MYO19: variants seen among roughly 807,000 people sequenced by gnomAD.
MYO19 encodes unconventional myosin-XIX.
Under a neutral mutation model 129.2 loss-of-function variants are expected in MYO19, and 132 were observed. The observed-to-expected ratio is 1.02, with a 90% CI of 0.89 to 1.18. MYO19 has a LOEUF of 1.18. MYO19 is among the 50% of genes most tolerant of loss of function. The pLI, the probability that MYO19 is intolerant of heterozygous loss-of-function variation, is 0.00. For synonymous variants in MYO19, 531 were observed against 477.2 expected (o/e 1.11, Z -1.47); for missense variants, 1,210 against 1,216.7 (o/e 0.99, Z 0.08).
chr17:36,530,266 G>A (rs1172538668), intron 3 of MYO19, among the ~76,000 whole-genome samples: 2 of 152,074 alleles, frequency 1.3e-5, no homozygotes, highest in South Asian at 4.1e-4. Context: ...GAGCTATGGG[G>A]ATATCACTGC....
intron 19 of MYO19, chr17:36,504,280 G>A (rs2071731476): frequency 4.3e-6 from 2 of 466,650 alleles, no homozygotes. Flanking sequence ...AGCAAGTGAT[G>A]TCCTGGCTCC....
At position 36,507,151 on chromosome 17, in the gene MYO19, G is replaced by C. The variant is rs529132719; in HGVS notation, c.1468-12C>G. The C allele has an allele frequency of 2.6e-4, 421 of 1,594,554 alleles. 2 individuals are homozygous for C. In the East Asian group the frequency reaches 8.6e-3, roughly 32 times the overall value. ...TTGAGGCGGCATTCCTGTGGGATGGGAACAGGGGGTCAGCCACCAACATGA... is the reference window on the plus strand; with the variant it reads ...TTGAGGCGGCATTCCTGTGGGATGGCAACAGGGGGTCAGCCACCAACATGA... On this transcript the variant is annotated splice_polypyrimidine_tract_variant and intron_variant, in intron 16 of 25. Transcript: ENST00000614623.
upstream of MYO19, chr17:36,536,992 C>T: frequency 2.0e-6 from 2 of 1,017,076 alleles, no homozygotes; most frequent in East Asian, 2.5e-5. Context: ...GCCCAAAGTT[C>T]TGCTCTGAAA....
upstream of MYO19, chr17:36,534,871 G>A (rs1377313303): frequency 2.0e-5 from 3 of 152,318 alleles, no homozygotes; most frequent in Non-Finnish European, 4.4e-5. Context: ...GAAAAGAGGA[G>A]GGGCAAGAGC....
chr17:36,543,658 C>G (rs147251815), upstream of MYO19, among the ~76,000 whole-genome samples: 2 of 152,214 alleles, frequency 1.3e-5, no homozygotes, highest in East Asian at 3.9e-4. Flanking sequence ...GAGTTTCGCT[C>G]TTGTTGCCCA....
intron 11 of MYO19, among the ~76,000 whole-genome samples, chr17:36,512,077 A>G (rs1339894959): frequency 6.6e-6 from 1 of 152,122 alleles, no homozygotes; most frequent in Non-Finnish European, 1.5e-5. Context: ...CCAGCTAGGC[A>G]TGGTGGCACA....
chr17:36,513,025 AG>A (rs2072472495), intron 11 of MYO19: 2 of 1,024,518 alleles, frequency 2.0e-6, no homozygotes, highest in African/African-American at 3.3e-5. Context: ...TGGTTTTCTC[AG>A]GCATAAAGGG....
chr17:36,503,273 G>A, intron 20 of MYO19, 73 bp from the exon 21 acceptor site: 1 of 1,212,128 alleles, frequency 8.2e-7, no homozygotes. Flanking sequence ...GGGCTCATCA[G>A]AAGTTATTCT....
Position 36,517,529 on chromosome 17 carries a change from G to A in MYO19, c.415-1539C>T, listed in dbSNP as rs141857866. On this transcript the variant is annotated intron_variant, in intron 6 of 25. Coordinates refer to ENST00000614623, the MANE Select transcript of MYO19 (RefSeq NM_001163735.2). ...CCCACCTTGGCCTCCCAAAGTGCTG[G>A]ATTACAGGCGTGAGCCACTGCACCC... 5.1e-3 allele frequency among the ~76,000 whole-genome samples: 778 copies of A among 152,248 alleles called. 11 individuals carry two copies. Among genetic ancestry groups the A allele is most frequent in the African/African-American group, 0.018 (744 of 41,556 alleles).
In MYO19 at chr17:36,504,010, T is replaced by C. The variant is rs1464518680; in HGVS notation, c.1916A>G (p.Gln639Arg). The change falls in exon 20 of 26, where the codon CAG becomes CGG. Residue 639 changes from glutamine (Q) to arginine (R), a missense_variant. By Grantham distance (43) the Gln-to-Arg change is conservative (BLOSUM62 1). Coordinates refer to ENST00000614623, the MANE Select transcript of MYO19 (RefSeq NM_001163735.2). ...CTCCACGAGGCCACAGGCCTCCAGCTGGCTCAGGACCTGCAAGGGTGGGGA... is the reference window on the plus strand; with the variant it reads ...CTCCACGAGGCCACAGGCCTCCAGCCGGCTCAGGACCTGCAAGGGTGGGGA... ...QTFLQEEVLS[Q>R]LEACGLVETI... 3.2e-6 allele frequency: 5 copies of C among 1,575,414 alleles called. No individual in the cohort carries two copies. Among genetic ancestry groups the C allele is most frequent in the East Asian group, 2.3e-5 (1 of 43,036 alleles).
At position 36,509,036 on chromosome 17, in the gene MYO19, C is replaced by A. The variant is rs138150577; in HGVS notation, c.1231+26G>T. On this transcript the variant is annotated intron_variant, in intron 14 of 25. Coordinates refer to ENST00000614623, the MANE Select transcript of MYO19 (RefSeq NM_001163735.2). ...GCTTTATTGCTCTTTTTCTGGAGTG[C>A]TCCCAGCACAGTGAGGCCTTGCTAC... is the stretch of plus-strand genomic sequence containing the variant. The A allele has an allele frequency of 3.3e-3, 5,327 of 1,606,222 alleles. 14 individuals carry two copies. Among genetic ancestry groups the A allele is most frequent in the Non-Finnish European group, 4.1e-3 (4,842 of 1,174,040 alleles).
chr17:36,503,835 CCT>C (rs1419969957), intron 20 of MYO19, 113 bp downstream of exon 20: 2 of 846,316 alleles, frequency 2.4e-6, no homozygotes, highest in African/African-American at 3.5e-5. Flanking sequence ...TACAGACCAG[CCT>C]CTTTCTCTTC....
chr17:36,528,780 AGTCAGT>A (rs2073651441), intron 3 of MYO19, among the ~76,000 whole-genome samples: 2 of 152,242 alleles, frequency 1.3e-5, no homozygotes, highest in Admixed American at 1.3e-4. Flanking sequence ...CAAAGCATTT[AGTCAGT>A]GCCCGGCATA....
At chr17:36,538,507 T>C (rs767565646), upstream of MYO19, 3 of 1,613,998 alleles carry the variant, frequency 1.9e-6, no homozygotes, top group East Asian at 6.7e-5. Context: ...GTAGATACAT[T>C]ACACAGCAGT....
chr17:36,532,719 T>C (rs1480233138), intron 2 of MYO19, 38 bp from the exon 3 acceptor site: 3 of 710,162 alleles, frequency 4.2e-6, no homozygotes, highest in Non-Finnish European at 7.1e-6. Context: ...CACACACAGG[T>C]GAGGGCTTTT....
At position 36,501,190 on chromosome 17, in the gene MYO19, T is replaced by C. The variant is rs1482834899; in HGVS notation, c.2126A>G (p.Gln709Arg). ...SEEATLEPLI[Q>R]DILHTLPVLT... is the part of the protein sequence containing the mutation. The stretch of plus-strand genomic sequence containing the variant: ...GACCGGCAGAGTGTGGAGAATGTCC[T>C]GGATGAGAGGTTCAAGCGTGGCTTC... The change falls in exon 22 of 26, where the codon CAG becomes CGG. Residue 709 changes from glutamine (Q) to arginine (R), a missense_variant. Physicochemically the swap from Gln to Arg is conservative, Grantham distance 43 (BLOSUM62 1). Coordinates refer to ENST00000614623, the MANE Select transcript of MYO19 (RefSeq NM_001163735.2). 2 of 1,613,970 alleles carry C rather than the reference T, an allele frequency of 1.2e-6. No individual in the cohort carries two copies. Among genetic ancestry groups the C allele is most frequent in the Admixed American group, 1.7e-5 (1 of 60,018 alleles).
At chr17:36,502,884 T>G (rs2071626619) in intron 21 of MYO19, 1 of 580,724 alleles carries the variant, frequency 1.7e-6, no homozygotes, top group Non-Finnish European at 3.1e-6. Flanking sequence ...AATTCACACC[T>G]CCCTAGCACC....
chr17:36,520,562 T>C (rs1036873614), intron 6 of MYO19, among the ~76,000 whole-genome samples: 1 of 152,196 alleles, frequency 6.6e-6, no homozygotes, highest in Non-Finnish European at 1.5e-5. Flanking sequence ...CCTTCTATTA[T>C]ACTTCCACTA....
upstream of MYO19, chr17:36,535,231 G>GACC (rs560299374): frequency 6.6e-6 from 1 of 151,992 alleles, no homozygotes; most frequent in African/African-American, 2.4e-5. Context: ...TGTTGTGCGA[G>GACC]GCCGGCGGAC....
Sources: gnomAD v4.1 joint callset for allele counts (sites outside exome capture counted in the v4.1 genomes callset) on GRCh38, gnomAD v4.1.1 for gene constraint, MANE v1.5 for transcripts, NCBI Gene and HGNC (gene_info 2026-07-23, HGNC 2026-07-21) for gene names.